The following FHOD3 variants were observed in gnomAD, a reference collection of about 807,000 sequenced individuals.
The protein encoded by FHOD3 is FH1/FH2 domain-containing protein 3.
In FHOD3, 90 loss-of-function variants were observed where a neutral mutation model predicts 173.0. The observed-to-expected ratio is 0.52, with a 90% CI of 0.44 to 0.62. FHOD3 has a LOEUF of 0.62. Among genes scored for constraint, FHOD3 ranks in the 20% least tolerant of loss-of-function variants. The probability of loss-of-function intolerance (pLI) is 0.00; values close to 1 mark genes in which losing one functional copy is unlikely to be tolerated. For synonymous variants in FHOD3, 828 were observed against 823.0 expected (o/e 1.01, Z -0.10); for missense variants, 1,945 against 2,034.7 (o/e 0.96, Z 0.85).
Position 36,687,257 on chromosome 18 carries a change from C to T in FHOD3, c.2021+79C>T, listed in dbSNP as rs376333267. The T allele has an allele frequency of 5.7e-6, 6 of 1,058,574 alleles. No individual in the cohort carries two copies. In the East Asian group the frequency reaches 7.6e-5, roughly 13 times the overall value. 65.6% of individuals were successfully genotyped at this position (1,058,574 alleles called of 1,614,324 possible). On this transcript the variant is annotated intron_variant, in intron 16 of 28. Coordinates refer to ENST00000590592, the MANE Select transcript of FHOD3 (RefSeq NM_001281740.3). ...TTAACCTAGCATGCAGAGAGACTGT[C>T]GATTAAAATATAACTGCTTCACCTA... is the stretch of plus-strand genomic sequence containing the variant.
chr18:36,622,583 G>A lies in FHOD3; in HGVS notation c.958-2928G>A, dbSNP rs73948096. Among the ~76,000 whole-genome samples, 808 of 152,270 alleles carry A rather than the reference G, an allele frequency of 5.3e-3. 10 individuals are homozygous for A. Among genetic ancestry groups the A allele is most frequent in the African/African-American group, 0.018 (767 of 41,542 alleles). ...AGAGTTAGAAGGTATTTGATGAGAG[G>A]TCTAGCAAATGAGTCACTCCATTAC... On this transcript the variant is annotated intron_variant, in intron 9 of 28. Transcript: ENST00000590592.
intron 5 of FHOD3, among the ~76,000 whole-genome samples, chr18:36,541,384 G>A (rs947194018): frequency 1.3e-5 from 2 of 151,894 alleles, no homozygotes; most frequent in African/African-American, 4.8e-5. Context: ...TTTGAGACAA[G>A]CTTGGGTAAC....
chr18:36,749,094 C>G (rs907960930), intron 24 of FHOD3, among the ~76,000 whole-genome samples: 1 of 152,146 alleles, frequency 6.6e-6, no homozygotes, highest in Non-Finnish European at 1.5e-5. Context: ...CAAAAAGTTT[C>G]AAAAGGTGTC....
intron 18 of FHOD3, among the ~76,000 whole-genome samples, chr18:36,712,668 G>A (rs2040232745): frequency 6.6e-6 from 1 of 152,164 alleles, no homozygotes; most frequent in Non-Finnish European, 1.5e-5. Flanking sequence ...GGAATCTGGG[G>A]AGGAGAGAGA....
intron 2 of FHOD3, among the ~76,000 whole-genome samples, chr18:36,357,780 C>G (rs1434978108): frequency 6.6e-6 from 1 of 151,946 alleles, no homozygotes; most frequent in Non-Finnish European, 1.5e-5. Flanking sequence ...TCAAACAGAC[C>G]CCGGGAATGT....
At chr18:36,562,083 G>A (rs1338435872) in intron 5 of FHOD3, among the ~76,000 whole-genome samples, 1 of 151,884 alleles carries the variant, frequency 6.6e-6, no homozygotes, top group Non-Finnish European at 1.5e-5. Context: ...ATGGCGCAAT[G>A]TTGGCTCACT....
chr18:36,666,520 G>A (rs1390197355), intron 14 of FHOD3, among the ~76,000 whole-genome samples: 1 of 152,164 alleles, frequency 6.6e-6, no homozygotes, highest in African/African-American at 2.4e-5. Context: ...TTGTGAGGAC[G>A]ATCTCATTGC....
intron 3 of FHOD3, among the ~76,000 whole-genome samples, chr18:36,399,767 G>A (rs1324438275): frequency 6.6e-6 from 1 of 152,164 alleles, no homozygotes; most frequent in African/African-American, 2.4e-5. Context: ...GCTATTGCTG[G>A]GAATCCAGGA....
At chr18:36,552,955 T>G (rs2057722166) in intron 5 of FHOD3, among the ~76,000 whole-genome samples, 1 of 152,184 alleles carries the variant, frequency 6.6e-6, no homozygotes, top group African/African-American at 2.4e-5. Context: ...GGCTGTGGGT[T>G]TGTCATAAAT....
At chr18:36,644,046 G>A (rs1214365944) in intron 10 of FHOD3, among the ~76,000 whole-genome samples, 4 of 152,128 alleles carry the variant, frequency 2.6e-5, no homozygotes, top group East Asian at 1.9e-4. Context: ...TGGAAACTAC[G>A]CCCCAAAGAA....
At chr18:36,434,917 C>T (rs527712094) in intron 3 of FHOD3, among the ~76,000 whole-genome samples, 11 of 151,980 alleles carry the variant, frequency 7.2e-5, no homozygotes, top group African/African-American at 2.4e-4. Flanking sequence ...CTTATTATTT[C>T]TAGTAGCTTT....
intron 6 of FHOD3, among the ~76,000 whole-genome samples, chr18:36,588,001 T>A (rs11661779): frequency 0.68 from 103,436 of 152,160 alleles, 35,652 homozygotes; most frequent in East Asian, 0.91. Context: ...GGTTCGGTGC[T>A]CATGACTTCC....
At chr18:36,508,671 A>C (rs1038083480) in intron 4 of FHOD3, among the ~76,000 whole-genome samples, 59 of 151,980 alleles carry the variant, frequency 3.9e-4, no homozygotes, top group Admixed American at 3.9e-4. Flanking sequence ...AACAGGTGAA[A>C]GATGCTAGCA....
At position 36,763,572 on chromosome 18, in the gene FHOD3, G is replaced by GTTATATATAATATGTGTATTATACACC. The variant is rs2043010489; in HGVS notation, c.4624+2816_4624+2817insCTTATATATAATATGTGTATTATACAC. Among the ~76,000 whole-genome samples, 6 of 142,286 alleles carry GTTATATATAATATGTGTATTATACACC rather than the reference G, an allele frequency of 4.2e-5. 2 individuals are homozygous for GTTATATATAATATGTGTATTATACACC. The South Asian group carries it at 1.3e-3, about 31-fold the overall frequency. The allele number at this position is 142,286 out of a possible 152,430, so 93.3% of individuals were successfully genotyped here. A position where few individuals can be genotyped will look rare whatever the true frequency, so the allele number is the denominator to read the frequency against. On this transcript the variant is annotated intron_variant, in intron 27 of 28. Transcript: ENST00000590592. ...TATATATAATATGTGTATTATACAC[G>GTTATATATAATATGTGTATTATACACC]TTATATATAATATGTGTATTATACA...
chr18:36,435,172 T>C (rs2050749705), intron 3 of FHOD3, among the ~76,000 whole-genome samples: 1 of 150,886 alleles, frequency 6.6e-6, no homozygotes, highest in Non-Finnish European at 1.5e-5. Flanking sequence ...GTAAACTAAA[T>C]GGTGAAAATG....
chr18:36,439,050 G>A (rs2050975739), intron 3 of FHOD3, among the ~76,000 whole-genome samples: 3 of 152,158 alleles, frequency 2.0e-5, no homozygotes, highest in South Asian at 2.1e-4. Context: ...AACTCTGGAC[G>A]AGAAAGAATG....
chr18:36,586,523 C>T (rs1275842317), intron 6 of FHOD3, among the ~76,000 whole-genome samples: 2 of 150,804 alleles, frequency 1.3e-5, no homozygotes, highest in South Asian at 2.1e-4. Context: ...CTCACTCTGT[C>T]GCCCAGGCTG....
intron 5 of FHOD3, among the ~76,000 whole-genome samples, chr18:36,518,543 C>T (rs1257947160): frequency 1.3e-5 from 2 of 152,168 alleles, no homozygotes; most frequent in African/African-American, 4.8e-5. Context: ...AATAAAAAAT[C>T]ACTGCAGCGT....
chr18:36,499,688 C>T (rs1158688361), intron 3 of FHOD3, among the ~76,000 whole-genome samples: 1 of 152,140 alleles, frequency 6.6e-6, no homozygotes, highest in Non-Finnish European at 1.5e-5. Context: ...ATTTATTACT[C>T]ATATGTTGAG....
Sources: gnomAD v4.1 joint callset for allele counts (sites outside exome capture counted in the v4.1 genomes callset) on GRCh38, gnomAD v4.1.1 for gene constraint, MANE v1.5 for transcripts, NCBI Gene and HGNC (gene_info 2026-07-23, HGNC 2026-07-21) for gene names.